The following PPARGC1A variants were observed in gnomAD, a reference collection of about 807,000 sequenced individuals.
PPARGC1A encodes the protein peroxisome proliferator-activated receptor gamma coactivator 1-alpha.
A neutral mutation model predicts 88.7 loss-of-function variants in PPARGC1A; 25 were observed. The ratio of observed to expected loss-of-function variants is 0.28; its 90% CI spans 0.21 to 0.39. PPARGC1A has a LOEUF of 0.39. Among genes scored for constraint, PPARGC1A ranks in the 10% least tolerant of loss-of-function variants. The pLI, the probability that PPARGC1A is intolerant of heterozygous loss-of-function variation, is 1.00. For synonymous variants in PPARGC1A, 363 were observed against 355.6 expected (o/e 1.02, Z -0.24); for missense variants, 880 against 968.7 (o/e 0.91, Z 1.22).
At chr4:24,440,830 AC>A in the PPARGC1A span, among the ~76,000 whole-genome samples, 5 of 152,202 alleles carry the variant, frequency 3.3e-5, no homozygotes, top group South Asian at 2.1e-4. Flanking sequence ...ACAAAAAAAA[AC>A]AACTCTTATT....
the PPARGC1A span, among the ~76,000 whole-genome samples, chr4:24,304,317 G>GACTTATTATA: frequency 6.6e-6 from 1 of 152,174 alleles, no homozygotes; most frequent in Admixed American, 6.5e-5. Context: ...CTTGTTAAGA[G>GACTTATTATA]ACTTATTATA....
chr4:24,453,806 C>T, the PPARGC1A span, among the ~76,000 whole-genome samples: 1 of 151,680 alleles, frequency 6.6e-6, no homozygotes, highest in Non-Finnish European at 1.5e-5. Context: ...GTCGCTAATT[C>T]CCTCCCCACT....
the PPARGC1A span, among the ~76,000 whole-genome samples, chr4:24,214,538 T>A: frequency 1.3e-5 from 2 of 152,184 alleles, no homozygotes; most frequent in Non-Finnish European, 2.9e-5. Context: ...GACTGCCACG[T>A]GAGAGACAAG....
the PPARGC1A span, among the ~76,000 whole-genome samples, chr4:24,421,275 T>G: frequency 6.6e-6 from 1 of 152,056 alleles, no homozygotes; most frequent in African/African-American, 2.4e-5. Flanking sequence ...AAACATTATT[T>G]ATTGTTTATC....
chr4:24,163,718 C>T, the PPARGC1A span, among the ~76,000 whole-genome samples: 7 of 152,168 alleles, frequency 4.6e-5, no homozygotes, highest in African/African-American at 1.7e-4. Context: ...AAACATTAGC[C>T]AATCATGCTT....
rs1419854124 is a variant in PPARGC1A at position 23,843,976 on chromosome 4, T to C, written c.235-12225A>G. Among the ~76,000 whole-genome samples the C allele has an allele frequency of 2.0e-5, 3 of 151,898 alleles. No individual in the cohort carries two copies. The East Asian group carries it at 5.8e-4, about 29-fold the overall frequency. ...CATTTTTACACATACATATTACAGA[T>C]ACATATAAACATGCATATTTATGTG... On this transcript the variant is annotated intron_variant, in intron 2 of 12. Coordinates refer to ENST00000264867, the MANE Select transcript of PPARGC1A (RefSeq NM_013261.5).
At chr4:24,060,191 C>G in the PPARGC1A span, among the ~76,000 whole-genome samples, 1 of 152,104 alleles carries the variant, frequency 6.6e-6, no homozygotes, top group African/African-American at 2.4e-5. Context: ...AAAGCAGAAA[C>G]AAACCAAACC....
the PPARGC1A span, among the ~76,000 whole-genome samples, chr4:24,127,400 T>A: frequency 0.16 from 24,993 of 151,964 alleles, 2,438 homozygotes; most frequent in Admixed American, 0.26. Context: ...ATCTGAAGAT[T>A]TTTTTATCAC....
chr4:24,419,108 G>C, the PPARGC1A span, among the ~76,000 whole-genome samples: 1 of 152,084 alleles, frequency 6.6e-6, no homozygotes, highest in African/African-American at 2.4e-5. Flanking sequence ...TAAAAACAGA[G>C]GGAAAAGAAG....
At chr4:24,471,247 C>T in the PPARGC1A span, among the ~76,000 whole-genome samples, 1 of 151,990 alleles carries the variant, frequency 6.6e-6, no homozygotes. This position sits in a 1 kb window ranked among gnomAD's most constrained non-coding sequence, Gnocchi z 5.4. Context: ...TAGCTAATGC[C>T]TTTCACCATT....
At chr4:23,966,272 T>C in the PPARGC1A span, among the ~76,000 whole-genome samples, 36 of 152,300 alleles carry the variant, frequency 2.4e-4, no homozygotes, top group African/African-American at 8.2e-4. Flanking sequence ...CAACATCCAA[T>C]AGAGCTTTCT....
At chr4:23,929,532 G>A in the PPARGC1A span, among the ~76,000 whole-genome samples, 4 of 152,232 alleles carry the variant, frequency 2.6e-5, no homozygotes, top group Non-Finnish European at 5.9e-5. Context: ...CACTTTGCTG[G>A]AAGTGGTTCA....
chr4:24,320,675 G>A, the PPARGC1A span, among the ~76,000 whole-genome samples: 1 of 152,144 alleles, frequency 6.6e-6, no homozygotes, highest in Non-Finnish European at 1.5e-5. Context: ...GTAAACAGGT[G>A]TCTCTCTTGC....
chr4:23,924,823 C>G, the PPARGC1A span, among the ~76,000 whole-genome samples: 5 of 152,114 alleles, frequency 3.3e-5, no homozygotes, highest in African/African-American at 1.2e-4. Context: ...GCTCACTGGT[C>G]CTGCACAGTT....
the PPARGC1A span, among the ~76,000 whole-genome samples, chr4:24,287,625 A>C: frequency 0.41 from 56,701 of 136,736 alleles, 11,765 homozygotes; most frequent in Non-Finnish European, 0.49. Flanking sequence ...AAAATGCTCA[A>C]CACCACATGC....
the PPARGC1A span, among the ~76,000 whole-genome samples, chr4:24,219,051 G>A: frequency 6.6e-6 from 1 of 152,174 alleles, no homozygotes; most frequent in Admixed American, 6.5e-5. Flanking sequence ...CTATTTGTGT[G>A]GGACAAGAAA....
chr4:23,850,409 C>T (rs772132616), intron 2 of PPARGC1A, among the ~76,000 whole-genome samples: 2 of 152,124 alleles, frequency 1.3e-5, no homozygotes, highest in Non-Finnish European at 2.9e-5. Context: ...AAAACAACCA[C>T]GATCTACCAG....
chr4:24,294,184 A>G, the PPARGC1A span, among the ~76,000 whole-genome samples: 1 of 152,194 alleles, frequency 6.6e-6, no homozygotes, highest in Non-Finnish European at 1.5e-5. Context: ...CCCGTTGCCC[A>G]GGATGGAGAT....
At chr4:24,122,097 G>A in the PPARGC1A span, among the ~76,000 whole-genome samples, 1 of 152,068 alleles carries the variant, frequency 6.6e-6, no homozygotes, top group African/African-American at 2.4e-5. Context: ...GTTTGGGTTC[G>A]GTGTGACAGT....
Sources: allele counts gnomAD v4.1 joint callset (sites outside exome capture counted in the v4.1 genomes callset), GRCh38; gene constraint gnomAD v4.1.1; non-coding constraint Gnocchi (gnomAD v3.1); transcripts MANE v1.5; gene names NCBI Gene and HGNC (gene_info 2026-07-23, HGNC 2026-07-21).